ANO4: variants seen among roughly 807,000 people sequenced by gnomAD.
ANO4 encodes the protein anoctamin-4.
In ANO4, 69 loss-of-function variants were observed where a neutral mutation model predicts 141.9. That is an observed-to-expected ratio of 0.49 (90% CI 0.40 to 0.59). The LOEUF (loss-of-function observed/expected upper bound fraction) is 0.59, where lower values mean the gene tolerates loss of function less well. Ranked by LOEUF, ANO4 falls within the 20% of genes least tolerant of loss-of-function variation. The pLI is 0.00. For missense variants in ANO4, 894 were observed against 1,162.2 expected (o/e 0.77, Z 3.36); for synonymous variants, 350 against 394.3 (o/e 0.89, Z 1.33).
At chr12:100,884,488 A>G (rs1225960597) in intron 1 of ANO4, among the ~76,000 whole-genome samples, 2 of 152,134 alleles carry the variant, frequency 1.3e-5, no homozygotes, top group Non-Finnish European at 2.9e-5. Flanking sequence ...GAGAATATTG[A>G]TTAGATTAAG....
At chr12:100,986,085 AG>A (rs145468287) in intron 7 of ANO4, among the ~76,000 whole-genome samples, 1,763 of 152,252 alleles carry the variant, frequency 0.012, 29 homozygotes, top group African/African-American at 0.04. Context: ...ATGGAGGAAT[AG>A]TGAATTTGCT....
intron 2 of ANO4, among the ~76,000 whole-genome samples, chr12:100,739,008 A>C (rs180836406): frequency 3.7e-4 from 39 of 105,818 alleles, no homozygotes; most frequent in Admixed American, 1.9e-3. Context: ...GTTTATATAT[A>C]TCTAAATCTT....
intron 8 of ANO4, among the ~76,000 whole-genome samples, chr12:101,018,748 G>A (rs914928327): frequency 2.6e-5 from 4 of 152,138 alleles, no homozygotes; most frequent in Non-Finnish European, 5.9e-5. Context: ...TGTCCTGAAT[G>A]AGCTCATGGT....
intron 1 of ANO4, among the ~76,000 whole-genome samples, chr12:100,830,922 C>G (rs551466706): frequency 6.6e-6 from 1 of 151,920 alleles, no homozygotes; most frequent in Non-Finnish European, 1.5e-5. Context: ...ACCATAAGCT[C>G]TTATAAATAT....
At chr12:101,021,666 A>G (rs1377477050) in intron 9 of ANO4, among the ~76,000 whole-genome samples, 1 of 152,192 alleles carries the variant, frequency 6.6e-6, no homozygotes, top group African/African-American at 2.4e-5. Context: ...GCAAGATGAC[A>G]TTTAATAATT....
intron 13 of ANO4, chr12:101,048,049 T>A: frequency 8.5e-7 from 1 of 1,173,252 alleles, no homozygotes; most frequent in Non-Finnish European, 1.1e-6. Flanking sequence ...TGTATAAGAG[T>A]TTTGTTGTGC....
intron 16 of ANO4, 104 bp from the exon 17 acceptor site, chr12:101,086,556 A>G (rs980081098): frequency 1.0e-5 from 13 of 1,273,706 alleles, no homozygotes; most frequent in Admixed American, 1.7e-5. Context: ...CAGTACTGCC[A>G]TGGTGTTACT....
chr12:100,819,873 A>C (rs1173015896), intron 1 of ANO4, among the ~76,000 whole-genome samples: 1 of 151,772 alleles, frequency 6.6e-6, no homozygotes, highest in Non-Finnish European at 1.5e-5. Flanking sequence ...TGTTTTGCTT[A>C]CTCCAACTCC....
At chr12:100,740,016 C>T (rs1368161587) in exon 3 of ANO4, 1 of 702,522 alleles carries the variant, frequency 1.4e-6, no homozygotes, top group Non-Finnish European at 2.6e-6. Context: ...GACCAGGCCA[C>T]ACCTTTGTCC....
At chr12:100,822,104 A>T (rs944258110) in intron 1 of ANO4, among the ~76,000 whole-genome samples, 10 of 152,016 alleles carry the variant, frequency 6.6e-5, no homozygotes, top group African/African-American at 1.9e-4. Flanking sequence ...AGAACAGAAC[A>T]AATTAAAACA....
rs80052804 is a variant in ANO4, at chr12:100,789,372, C to T, written c.358+49267C>T. On this transcript the variant is annotated intron_variant, in intron 3 of 29. Coordinates refer to the ANO4 transcript ENST00000644049. The stretch of plus-strand genomic sequence containing the variant: ...AATGACATAAGTGCTGAGTCACTGG[C>T]CTCCTAGGCTGCTTGCATGGAATAC... 3.6e-3 allele frequency among the ~76,000 whole-genome samples: 544 copies of T among 152,254 alleles called. 9 individuals carry two copies. The highest frequency in any genetic ancestry group is 0.031 in the East Asian group (163 of 5,176).
intron 1 of ANO4, among the ~76,000 whole-genome samples, chr12:100,837,238 C>A (rs1040084683): frequency 6.6e-6 from 1 of 152,088 alleles, no homozygotes; most frequent in Non-Finnish European, 1.5e-5. Context: ...CTGGGCACAG[C>A]TCTAAGAATT....
At position 101,127,295 on chromosome 12, in the gene ANO4, G is replaced by C. The variant is rs17031042; in HGVS notation, c.*4+221G>C. 5.1e-3 allele frequency among the ~76,000 whole-genome samples: 774 copies of C among 152,220 alleles called. 31 individuals are homozygous for C. The East Asian group carries it at 0.12, about 24-fold the overall frequency. The stretch of plus-strand genomic sequence containing the variant: ...TTCTGCAACACTTCTCTGCCTTCTT[G>C]CCAGACTCTGGCCTATCAGTCAAGG... On this transcript the variant is annotated intron_variant, in intron 27 of 27. Coordinates refer to ENST00000392977, the MANE Select transcript of ANO4 (RefSeq NM_001286615.2).
At chr12:100,831,217 A>G (rs1398777926) in intron 1 of ANO4, among the ~76,000 whole-genome samples, 1 of 152,094 alleles carries the variant, frequency 6.6e-6, no homozygotes, top group Non-Finnish European at 1.5e-5. Flanking sequence ...GTCGACATTT[A>G]GTTTAGTTGC....
At chr12:101,025,929 C>T (rs935197181) in intron 9 of ANO4, among the ~76,000 whole-genome samples, 1 of 152,158 alleles carries the variant, frequency 6.6e-6, no homozygotes, top group Non-Finnish European at 1.5e-5. Flanking sequence ...TCTTCCTCAA[C>T]CTCATAAAAT....
chr12:101,046,715 A>G (rs772486048), intron 13 of ANO4, among the ~76,000 whole-genome samples: 1 of 151,964 alleles, frequency 6.6e-6, no homozygotes, highest in Non-Finnish European at 1.5e-5. Context: ...TCATTCATAT[A>G]TTGTCAAATT....
chr12:100,729,495 TTTA>T (rs1252684112), intron 1 of ANO4, among the ~76,000 whole-genome samples: 1 of 152,062 alleles, frequency 6.6e-6, no homozygotes, highest in Non-Finnish European at 1.5e-5. Context: ...TATAGGTGCC[TTTA>T]TTATTCTCAT....
chr12:100,783,458 A>G (rs2033769821), intron 3 of ANO4, among the ~76,000 whole-genome samples: 1 of 152,114 alleles, frequency 6.6e-6, no homozygotes, highest in Admixed American at 6.5e-5. Context: ...TCTCTAGTCA[A>G]TCCATCTCCT....
intron 8 of ANO4, among the ~76,000 whole-genome samples, chr12:100,995,636 C>T (rs1482021752): frequency 1.2e-4 from 18 of 152,174 alleles, no homozygotes; most frequent in Admixed American, 1.2e-3. Context: ...TTGTGTTGTA[C>T]ACAAAATGTT....
Sources: allele counts gnomAD v4.1 joint callset (sites outside exome capture counted in the v4.1 genomes callset), GRCh38; gene constraint gnomAD v4.1.1; transcripts MANE v1.5; gene names NCBI Gene and HGNC (gene_info 2026-07-23, HGNC 2026-07-21).